OLFM2: variants seen among roughly 807,000 people sequenced by gnomAD.
OLFM2 encodes olfactomedin 2, also known as noelin-2.
A neutral mutation model predicts 43.9 loss-of-function variants in OLFM2; 20 were observed. The observed-to-expected ratio is 0.46, with a 90% CI of 0.32 to 0.66. The LOEUF is 0.66. Among genes scored for constraint, OLFM2 ranks in the 30% least tolerant of loss-of-function variants. The pLI is 0.04. For missense variants in OLFM2, 416 were observed against 643.6 expected (o/e 0.65, Z 3.83); for synonymous variants, 268 against 278.6 (o/e 0.96, Z 0.38).
chr19:9,904,091 C>G (rs1440036293), intron 1 of OLFM2, among the ~76,000 whole-genome samples: 1 of 151,408 alleles, frequency 6.6e-6, no homozygotes, highest in Non-Finnish European at 1.5e-5. Context: ...CATCATCAGA[C>G]CTGTCTGAAC....
intron 1 of OLFM2, among the ~76,000 whole-genome samples, chr19:9,918,761 A>C (rs2086401104): frequency 6.6e-6 from 1 of 152,240 alleles, no homozygotes; most frequent in African/African-American, 2.4e-5. Flanking sequence ...AAGGAGCCAG[A>C]CGCAAAAGAC....
chr19:9,857,798 C>T lies in OLFM2; in HGVS notation c.277G>A (p.Val93Ile). 6.2e-7 allele frequency: 1 copy of T among 1,614,130 alleles called. No homozygotes were observed. Among genetic ancestry groups the T allele is most frequent in the Non-Finnish European group, 8.5e-7 (1 of 1,180,032 alleles). ...ELRTYRDLQY[V>I]RGMETLMRSL... is the part of the protein sequence containing the mutation. The stretch of plus-strand genomic sequence containing the variant: ...CGCATGAGGGTCTCCATGCCGCGTA[C>T]ATACTGGAGGTCGCGATACGTCCGC... Residue 93 changes from valine (V) to isoleucine (I), a missense_variant, in exon 3 of 6, where the codon GTA becomes ATA. Val to Ile is a conservative substitution (Grantham distance 29). Transcript: ENST00000264833. The surrounding 1 kb of genome is among the most constrained non-coding windows in gnomAD (Gnocchi z 5.7).
intron 1 of OLFM2, among the ~76,000 whole-genome samples, chr19:9,910,574 G>A (rs542350303): frequency 5.9e-5 from 9 of 152,238 alleles, no homozygotes; most frequent in African/African-American, 2.2e-4. Flanking sequence ...TAGTTTTGTG[G>A]AATAAATACA....
intron 1 of OLFM2, among the ~76,000 whole-genome samples, chr19:9,872,519 GA>G (rs756591453): frequency 2.3e-4 from 2 of 8,830 alleles, no homozygotes; most frequent in African/African-American, 3.7e-4. Flanking sequence ...TGTCTCAAAA[GA>G]AAAAAAAAAA....
In OLFM2 at chr19:9,854,886, C is replaced by T. The variant is rs1162839839; in HGVS notation, c.688-23G>A. The T allele has an allele frequency of 3.3e-6, 5 of 1,532,196 alleles. No individual in the cohort carries two copies. Among genetic ancestry groups the T allele is most frequent in the South Asian group, 1.2e-5 (1 of 80,658 alleles). The allele number at this position is 1,532,196 out of a possible 1,614,324, so 94.9% of individuals were successfully genotyped here. ...GACCTATGGTAGCAGCCGCTGGTCA[C>T]TGGGGGGAACCACCACCAACGACCC... On this transcript the variant is annotated intron_variant, in intron 5 of 5. Coordinates refer to ENST00000264833, the MANE Select transcript of OLFM2 (RefSeq NM_058164.4). This position sits in a 1 kb window ranked among gnomAD's most constrained non-coding sequence, Gnocchi z 9.5.
chr19:9,862,700 C>G (rs1158689696), intron 1 of OLFM2, among the ~76,000 whole-genome samples: 1 of 151,010 alleles, frequency 6.6e-6, no homozygotes, highest in East Asian at 2.0e-4. Flanking sequence ...ACAGGCCAGA[C>G]GCGGTGGCTC....
chr19:9,859,730 G>C (rs1455156013), intron 2 of OLFM2, among the ~76,000 whole-genome samples: 3 of 152,218 alleles, frequency 2.0e-5, no homozygotes, highest in Admixed American at 2.0e-4. Flanking sequence ...CTGCAAAGCT[G>C]GGTGGGACAT....
At chr19:9,867,484 C>A (rs924027049) in intron 1 of OLFM2, among the ~76,000 whole-genome samples, 2 of 152,160 alleles carry the variant, frequency 1.3e-5, no homozygotes, top group African/African-American at 4.8e-5. Flanking sequence ...CAGGAAGTAG[C>A]CAACAGGAAG....
chr19:9,854,085 G>T lies in OLFM2; in HGVS notation c.*101C>A. 9.4e-7 allele frequency: 1 copy of T among 1,067,822 alleles called. No individual in the cohort carries two copies. The highest frequency in any genetic ancestry group is 1.4e-6 in the Non-Finnish European group (1 of 718,330). The allele number at this position is 1,067,822 out of a possible 1,614,324, so 66.1% of individuals were successfully genotyped here. On this transcript the variant is annotated 3_prime_UTR_variant, in exon 6 of 6. Coordinates refer to ENST00000264833, the MANE Select transcript of OLFM2 (RefSeq NM_058164.4). The surrounding 1 kb of genome is among the most constrained non-coding windows in gnomAD (Gnocchi z 9.5). ...GCAAAAAGGCGGGGAGAAAGGGCGT[G>T]ACAGAGACAGAGAGATCACCCTTGA...
At chr19:9,855,162 G>A (rs1250057615) in intron 5 of OLFM2, among the ~76,000 whole-genome samples, 1 of 151,618 alleles carries the variant, frequency 6.6e-6, no homozygotes, top group East Asian at 1.9e-4. Context: ...CCCAGGGGCT[G>A]CAGTTTCTTG....
At chr19:9,899,313 A>C (rs187420493) in intron 1 of OLFM2, among the ~76,000 whole-genome samples, 1 of 151,666 alleles carries the variant, frequency 6.6e-6, no homozygotes, top group Non-Finnish European at 1.5e-5. Flanking sequence ...TGTGGCCAGA[A>C]GCCTCGAATG....
chr19:9,871,944 G>A (rs576946796), intron 1 of OLFM2, among the ~76,000 whole-genome samples: 6 of 152,298 alleles, frequency 3.9e-5, no homozygotes, highest in African/African-American at 1.4e-4. Context: ...TTTCTGCCAC[G>A]GAGCTTGCTT....
At chr19:9,882,996 C>G (rs2046553195) in intron 1 of OLFM2, among the ~76,000 whole-genome samples, 1 of 150,386 alleles carries the variant, frequency 6.6e-6, no homozygotes, top group Admixed American at 6.7e-5. Context: ...GTTAGGAGGT[C>G]GAGACCAGCC....
At chr19:9,872,592 G>C (rs2046451447) in intron 1 of OLFM2, among the ~76,000 whole-genome samples, 1 of 152,128 alleles carries the variant, frequency 6.6e-6, no homozygotes, top group Non-Finnish European at 1.5e-5. Context: ...CCCTCAGCCT[G>C]AGAACTGGGG....
chr19:9,875,257 G>A (rs1337590934), intron 1 of OLFM2, among the ~76,000 whole-genome samples: 1 of 152,172 alleles, frequency 6.6e-6, no homozygotes, highest in Non-Finnish European at 1.5e-5. Flanking sequence ...CAAGGCAGGC[G>A]AGAGAGATCT....
intron 1 of OLFM2, among the ~76,000 whole-genome samples, chr19:9,904,577 T>A (rs1181426721): frequency 6.6e-6 from 1 of 151,582 alleles, no homozygotes; most frequent in Non-Finnish European, 1.5e-5. Context: ...AGCTCCCCTG[T>A]GTGTAGTGTG....
intron 1 of OLFM2, among the ~76,000 whole-genome samples, chr19:9,898,041 A>T (rs2046701300): frequency 6.7e-6 from 1 of 149,438 alleles, no homozygotes; most frequent in South Asian, 2.1e-4. Context: ...AGTAGCTGGG[A>T]CTATAGATGC....
intron 1 of OLFM2, among the ~76,000 whole-genome samples, chr19:9,887,566 A>C (rs528395188): frequency 7.9e-5 from 12 of 152,200 alleles, no homozygotes; most frequent in African/African-American, 2.9e-4. Context: ...TCCATGGTCA[A>C]GCCCCTGGCA....
intron 1 of OLFM2, among the ~76,000 whole-genome samples, chr19:9,868,510 T>C (rs1403729320): frequency 6.6e-6 from 1 of 152,116 alleles, no homozygotes; most frequent in African/African-American, 2.4e-5. Context: ...TCCAGCCAAT[T>C]TACAAATTTA....
Sources: gnomAD v4.1 joint callset for allele counts (sites outside exome capture counted in the v4.1 genomes callset) on GRCh38, gnomAD v4.1.1 for gene constraint, Gnocchi (gnomAD v3.1) non-coding constraint, MANE v1.5 for transcripts, NCBI Gene and HGNC (gene_info 2026-07-23, HGNC 2026-07-21) for gene names.